Variants in AKAP6 observed in about 807,000 individuals in gnomAD.
AKAP6 encodes A-kinase anchor protein 6.
Under a neutral mutation model 188.5 loss-of-function variants are expected in AKAP6, and 58 were observed. That is an observed-to-expected ratio of 0.31 (90% confidence interval 0.25 to 0.38). The LOEUF (loss-of-function observed/expected upper bound fraction) is 0.38. Ranked by LOEUF, AKAP6 falls within the 10% of genes least tolerant of loss-of-function variation. AKAP6 has a pLI of 1.00. For synonymous variants in AKAP6, 989 were observed against 998.6 expected (o/e 0.99, Z 0.18); for missense variants, 2,710 against 2,740.0 (o/e 0.99, Z 0.24).
At chr14:32,487,915 T>G (rs1262368757) in intron 2 of AKAP6, among the ~76,000 whole-genome samples, 2 of 152,202 alleles carry the variant, frequency 1.3e-5, no homozygotes, top group East Asian at 3.9e-4. Context: ...CTCTGGAAGC[T>G]TCGTCCCAGA....
intron 2 of AKAP6, among the ~76,000 whole-genome samples, chr14:32,491,025 C>T (rs192549123): frequency 1.3e-5 from 2 of 152,284 alleles, no homozygotes; most frequent in Admixed American, 1.3e-4. Context: ...CCAGAAAAGA[C>T]ATTTAATATC....
chr14:32,369,884 A>G (rs1365512419), intron 1 of AKAP6, among the ~76,000 whole-genome samples: 1 of 152,188 alleles, frequency 6.6e-6, no homozygotes, highest in Non-Finnish European at 1.5e-5. Flanking sequence ...TACAAAAATT[A>G]GCCGGGCATG....
intron 4 of AKAP6, among the ~76,000 whole-genome samples, chr14:32,550,548 T>C (rs1236231449): frequency 6.6e-6 from 1 of 152,332 alleles, no homozygotes; most frequent in East Asian, 1.9e-4. Context: ...CTTTATGATA[T>C]GCAGCGCTCT....
chr14:32,668,227 A>G (rs574371024), intron 7 of AKAP6, among the ~76,000 whole-genome samples: 1 of 152,250 alleles, frequency 6.6e-6, no homozygotes, highest in South Asian at 2.1e-4. Context: ...ATGACATAAA[A>G]TGCGGAATTT....
chr14:32,536,864 C>T (rs919101929), intron 3 of AKAP6, among the ~76,000 whole-genome samples: 2 of 152,012 alleles, frequency 1.3e-5, no homozygotes, highest in Admixed American at 1.3e-4. Flanking sequence ...TATATGGATA[C>T]GTTGCATGTA....
chr14:32,698,572 T>C lies in AKAP6; in HGVS notation c.3000+2462T>C, dbSNP rs1890499117. 2.0e-5 allele frequency among the ~76,000 whole-genome samples: 3 copies of C among 152,222 alleles called. No homozygotes were observed. In the South Asian group the frequency reaches 6.2e-4, roughly 32 times the overall value. Reference sequence around the variant, plus strand: ...TAGTTTGTGGGCCTGTCTTTTACACTACAGAACATTTACTCTTCATGTTCC... The same window carrying C: ...TAGTTTGTGGGCCTGTCTTTTACACCACAGAACATTTACTCTTCATGTTCC... On this transcript the variant is annotated intron_variant, in intron 9 of 13. Transcript: ENST00000280979.
At position 32,334,936 on chromosome 14, in the gene AKAP6, G is replaced by A. The variant is rs572645497; in HGVS notation, c.-35+5528G>A. 7.9e-5 allele frequency among the ~76,000 whole-genome samples: 12 copies of A among 152,268 alleles called. 1 individual carries two copies. Among genetic ancestry groups the A allele is most frequent in the African/African-American group, 2.9e-4 (12 of 41,568 alleles). ...ACAAGGGTAAGTAGGGAGAGAATGT[G>A]GAACCTTTATTTTATTTTCAGATTT... On this transcript the variant is annotated intron_variant, in intron 1 of 13. Coordinates refer to ENST00000280979, the MANE Select transcript of AKAP6 (RefSeq NM_004274.5).
intron 1 of AKAP6, among the ~76,000 whole-genome samples, chr14:32,399,549 C>A (rs1184781318): frequency 3.3e-5 from 5 of 152,088 alleles, no homozygotes; most frequent in Non-Finnish European, 7.4e-5. Flanking sequence ...TCAAGCAGGG[C>A]CTTCTGGGGA....
intron 7 of AKAP6, among the ~76,000 whole-genome samples, chr14:32,609,878 C>G (rs969650686): frequency 2.8e-5 from 3 of 105,366 alleles, no homozygotes; most frequent in Non-Finnish European, 5.4e-5. Flanking sequence ...CTCTCTCTCT[C>G]TGACACACAC....
rs754104479 is a variant in AKAP6, at chr14:32,516,428, A to G, written c.325-19126A>G. Among the ~76,000 whole-genome samples, 206 of 152,320 alleles carry G rather than the reference A, an allele frequency of 1.4e-3. 2 individuals carry two copies. The Middle Eastern group carries it at 0.014, about 10-fold the overall frequency. On this transcript the variant is annotated intron_variant, in intron 2 of 13. Coordinates refer to ENST00000280979, the MANE Select transcript of AKAP6 (RefSeq NM_004274.5). Reference sequence around the variant, plus strand: ...ACTAGGATATAAGTTGTTTGCTCTCAAAGACCAGATAAAGACAAATCAGAG... The same window carrying G: ...ACTAGGATATAAGTTGTTTGCTCTCGAAGACCAGATAAAGACAAATCAGAG...
At chr14:32,656,101 A>G (rs969709560) in intron 7 of AKAP6, among the ~76,000 whole-genome samples, 1 of 152,154 alleles carries the variant, frequency 6.6e-6, no homozygotes, top group Non-Finnish European at 1.5e-5. Context: ...TACCAACAGA[A>G]CTAATTTGGA....
rs192285188 is a variant in AKAP6 at position 32,429,984 on chromosome 14, G to C, written c.-34-3476G>C. 2.1e-4 allele frequency among the ~76,000 whole-genome samples: 32 copies of C among 152,314 alleles called. No homozygotes were observed. In the Middle Eastern group the frequency reaches 0.014, roughly 65 times the overall value. ...GTCAGTCTTAAGTGGCAAACTTCTA[G>C]AGGGGAGAATCTCCCATGTTTGTTC... On this transcript the variant is annotated intron_variant, in intron 1 of 13. Coordinates refer to ENST00000280979, the MANE Select transcript of AKAP6 (RefSeq NM_004274.5).
intron 1 of AKAP6, among the ~76,000 whole-genome samples, chr14:32,427,565 G>C (rs1890077446): frequency 6.6e-6 from 1 of 152,334 alleles, no homozygotes; most frequent in African/African-American, 2.4e-5. Flanking sequence ...TGGCTAGGCA[G>C]TGGCATTTAA....
chr14:32,454,872 C>A (rs1594632017), intron 2 of AKAP6, among the ~76,000 whole-genome samples: 1 of 74,094 alleles, frequency 1.3e-5, no homozygotes, highest in Non-Finnish European at 2.4e-5. Flanking sequence ...TCCCTCCCTC[C>A]CTCCCTCCTT....
In AKAP6 at chr14:32,733,854, A is replaced by G. The variant is rs74041673; in HGVS notation, c.3147+1254A>G. ...GACATTTTAAAAGGTTGTTTACTAC[A>G]TAGATAAGAATGGCAACCTTATGTG... On this transcript the variant is annotated intron_variant, in intron 10 of 13. Coordinates refer to ENST00000280979, the MANE Select transcript of AKAP6 (RefSeq NM_004274.5). 4.6e-5 allele frequency: 7 copies of G among 152,300 alleles called. No individual in the cohort carries two copies. The South Asian group carries it at 1.0e-3, about 23-fold the overall frequency. The allele number at this position is 152,300 out of a possible 1,614,324, so 9.4% of individuals were successfully genotyped here.
chr14:32,799,659 T>C (rs1198961062), intron 12 of AKAP6, among the ~76,000 whole-genome samples: 1 of 152,214 alleles, frequency 6.6e-6, no homozygotes, highest in African/African-American at 2.4e-5. Context: ...AATTTCATTA[T>C]GGTCGGAGAG....
chr14:32,332,746 G>T (rs1437706955), intron 1 of AKAP6, among the ~76,000 whole-genome samples: 2 of 152,094 alleles, frequency 1.3e-5, no homozygotes, highest in Non-Finnish European at 2.9e-5. Flanking sequence ...TCACAGTCTG[G>T]AAAGTGTAAT....
chr14:32,493,269 C>G (rs1229390632), intron 2 of AKAP6, among the ~76,000 whole-genome samples: 1 of 151,988 alleles, frequency 6.6e-6, no homozygotes, highest in Non-Finnish European at 1.5e-5. Flanking sequence ...TATACTGGTG[C>G]GATCACGGTG....
At chr14:32,641,316 A>C (rs1887744172) in intron 7 of AKAP6, among the ~76,000 whole-genome samples, 1 of 151,986 alleles carries the variant, frequency 6.6e-6, no homozygotes, top group African/African-American at 2.4e-5. Flanking sequence ...AAAGGAAATC[A>C]GAAAACTAGG....
Sources: gnomAD v4.1 joint callset for allele counts (sites outside exome capture counted in the v4.1 genomes callset) on GRCh38, gnomAD v4.1.1 for gene constraint, MANE v1.5 for transcripts, NCBI Gene and HGNC (gene_info 2026-07-23, HGNC 2026-07-21) for gene names.